The following NARS2 variants were observed in gnomAD, a reference collection of about 807,000 sequenced individuals.
The protein encoded by NARS2 is asparaginyl-tRNA synthetase 2, mitochondrial.
NARS2 carries 60 observed loss-of-function variants against 62.9 expected under a neutral mutation model. The ratio of observed to expected loss-of-function variants is 0.95; its 90% CI spans 0.77 to 1.18. NARS2 has a LOEUF of 1.18. NARS2 is among the 50% of genes most tolerant of loss of function. The pLI is 0.00. For missense variants in NARS2, 619 were observed against 576.4 expected (o/e 1.07, Z -0.76); for synonymous variants, 196 against 200.0 (o/e 0.98, Z 0.17).
intron 7 of NARS2, among the ~76,000 whole-genome samples, chr11:78,489,477 C>T (rs1280308058): frequency 6.6e-6 from 1 of 152,176 alleles, no homozygotes; most frequent in Middle Eastern, 3.2e-3. Flanking sequence ...GTAAAACTTC[C>T]ATACATTGCT....
intron 5 of NARS2, among the ~76,000 whole-genome samples, chr11:78,557,285 G>A (rs1056260227): frequency 1.3e-5 from 2 of 151,966 alleles, no homozygotes; most frequent in African/African-American, 4.8e-5. Flanking sequence ...ATTACGAGAA[G>A]CAAGAATTTA....
chr11:78,476,969 G>T (rs1376735241), intron 9 of NARS2, among the ~76,000 whole-genome samples: 1 of 152,150 alleles, frequency 6.6e-6, no homozygotes, highest in Non-Finnish European at 1.5e-5. Context: ...TCTTTGCAGG[G>T]ATTCTCCATC....
chr11:78,474,346 G>A (rs953700304), intron 9 of NARS2, among the ~76,000 whole-genome samples: 1 of 151,950 alleles, frequency 6.6e-6, no homozygotes, highest in African/African-American at 2.4e-5. Flanking sequence ...TTTTTCTCTA[G>A]ATTTTCAACT....
intron 11 of NARS2, among the ~76,000 whole-genome samples, chr11:78,461,231 A>G (rs893998263): frequency 6.6e-6 from 1 of 152,168 alleles, no homozygotes; most frequent in Non-Finnish European, 1.5e-5. Flanking sequence ...AGCAATAGAT[A>G]CAGATGAAAT....
intron 11 of NARS2, 156 bp from the exon 12 acceptor site, chr11:78,443,914 C>G: frequency 3.5e-6 from 2 of 568,764 alleles, no homozygotes; most frequent in Non-Finnish European, 6.3e-6. Flanking sequence ...ACAATTTCCT[C>G]TCTCTTGCAC....
At chr11:78,445,564 G>C (rs1035653829) in intron 11 of NARS2, among the ~76,000 whole-genome samples, 2 of 152,232 alleles carry the variant, frequency 1.3e-5, no homozygotes, top group Admixed American at 6.5e-5. Context: ...GGAGGTTGCA[G>C]TGAGCCAAGA....
chr11:78,460,528 G>A (rs1430754652), intron 11 of NARS2, among the ~76,000 whole-genome samples: 1 of 152,130 alleles, frequency 6.6e-6, no homozygotes, highest in Non-Finnish European at 1.5e-5. Context: ...ATCTGAAAAG[G>A]TAAAAGAGGA....
chr11:78,507,916 A>G (rs1023546443), intron 6 of NARS2, among the ~76,000 whole-genome samples: 2 of 152,204 alleles, frequency 1.3e-5, no homozygotes. Flanking sequence ...TCCCTGAGAA[A>G]GATCTCAAGC....
chr11:78,488,256 G>A (rs1053705716), intron 7 of NARS2, among the ~76,000 whole-genome samples: 1 of 149,382 alleles, frequency 6.7e-6, no homozygotes, highest in Admixed American at 6.7e-5. Context: ...AAAAAAAACT[G>A]TGTATGTGTG....
intron 5 of NARS2, chr11:78,546,405 G>C (rs1351126851): frequency 6.6e-6 from 1 of 152,200 alleles, no homozygotes; most frequent in Non-Finnish European, 1.5e-5. Flanking sequence ...TTTAACTGTG[G>C]GTGAGGACAA....
chr11:78,437,761 G>C (rs1339520082), intron 13 of NARS2, among the ~76,000 whole-genome samples: 3 of 152,102 alleles, frequency 2.0e-5, no homozygotes, highest in Non-Finnish European at 4.4e-5. Context: ...CGGATCACTA[G>C]CTCAGGAGTT....
intron 6 of NARS2, among the ~76,000 whole-genome samples, chr11:78,507,373 G>A (rs542193362): frequency 6.3e-4 from 96 of 152,226 alleles, no homozygotes; most frequent in African/African-American, 2.1e-3. Flanking sequence ...ACTTTGGGCT[G>A]AAGCCTGGCA....
rs1252879108 is a variant in NARS2 at position 78,488,106 on chromosome 11, G to C, written c.822+4957C>G. 2.6e-5 allele frequency among the ~76,000 whole-genome samples: 4 copies of C among 152,150 alleles called. No individual in the cohort carries two copies. In the East Asian group the frequency reaches 7.7e-4, roughly 29 times the overall value. ...TTTAAAATATGTATGGTGATTGAGA[G>C]CAAAAATTCAAACATCACCAGAGGT... is the stretch of plus-strand genomic sequence containing the variant. On this transcript the variant is annotated intron_variant, in intron 7 of 13. Transcript: ENST00000281038.
At chr11:78,482,084 T>C (rs1048984514) in intron 7 of NARS2, among the ~76,000 whole-genome samples, 2 of 152,142 alleles carry the variant, frequency 1.3e-5, no homozygotes, top group African/African-American at 2.4e-5. Context: ...TTGTGTGTAA[T>C]TATGTAATGA....
intron 6 of NARS2, among the ~76,000 whole-genome samples, chr11:78,507,593 C>A (rs1439194987): frequency 6.6e-6 from 1 of 150,424 alleles, no homozygotes; most frequent in Non-Finnish European, 1.5e-5. Flanking sequence ...AATCTCTGCT[C>A]ACTGCAAACT....
chr11:78,508,493 G>T (rs895787853), intron 6 of NARS2, among the ~76,000 whole-genome samples: 1 of 151,790 alleles, frequency 6.6e-6, no homozygotes, highest in African/African-American at 2.4e-5. Flanking sequence ...AGAGGCTAAG[G>T]CAGGAGAATC....
At chr11:78,547,291 T>C (rs1443012856) in intron 5 of NARS2, among the ~76,000 whole-genome samples, 1 of 152,150 alleles carries the variant, frequency 6.6e-6, no homozygotes, top group Non-Finnish European at 1.5e-5. Context: ...ACTCAGAAAC[T>C]GTTCATTTCT....
intron 6 of NARS2, among the ~76,000 whole-genome samples, chr11:78,495,497 ACTAT>A (rs542825079): frequency 2.1e-4 from 32 of 152,338 alleles, no homozygotes; most frequent in African/African-American, 6.3e-4. Context: ...TTGAAATGTA[ACTAT>A]CTAAGTTATT....
At chr11:78,557,928 A>C (rs925194976) in intron 5 of NARS2, among the ~76,000 whole-genome samples, 2 of 151,460 alleles carry the variant, frequency 1.3e-5, no homozygotes, top group African/African-American at 4.8e-5. Context: ...TTATTTATGC[A>C]CATTAAAAAC....
Sources: allele counts gnomAD v4.1 joint callset (sites outside exome capture counted in the v4.1 genomes callset), GRCh38; gene constraint gnomAD v4.1.1; transcripts MANE v1.5; gene names NCBI Gene and HGNC (gene_info 2026-07-23, HGNC 2026-07-21).